HPCAL4: variants seen among roughly 807,000 people sequenced by gnomAD.
HPCAL4 encodes hippocalcin-like protein 4.
Under a neutral mutation model 18.2 loss-of-function variants are expected in HPCAL4, and 16 were observed. The observed-to-expected ratio is 0.88, with a 90% CI of 0.59 to 1.33. The LOEUF is 1.33. HPCAL4 is among the 40% of genes most tolerant of loss of function. The pLI is 0.00. For synonymous variants in HPCAL4, 80 were observed against 97.5 expected, an observed-to-expected ratio of 0.82 and a Z score of 1.06; for missense variants, 214 against 256.6, an observed-to-expected ratio of 0.83 and a Z score of 1.14.
At chr1:39,685,643 G>A (rs1385164674) in intron 1 of HPCAL4, among the ~76,000 whole-genome samples, 1 of 152,164 alleles carries the variant, frequency 6.6e-6, no homozygotes, top group Non-Finnish European at 1.5e-5. Context: ...ACTTTGGGAG[G>A]CCAAGGTGGG....
chr1:39,690,367 C>T (rs1215721523), intron 1 of HPCAL4, among the ~76,000 whole-genome samples: 1 of 152,176 alleles, frequency 6.6e-6, no homozygotes, highest in African/African-American at 2.4e-5. Flanking sequence ...AGCTCATCTG[C>T]CCTCCAGGTA....
At position 39,682,613 on chromosome 1, in the gene HPCAL4, T is replaced by C; in HGVS notation, c.499A>G (p.Thr167Ala). The change falls in exon 4 of 4, where the codon ACA (threonine) becomes GCA (alanine). Residue 167 changes from threonine to alanine, a missense_variant. By Grantham distance (58) the Thr-to-Ala change is moderately conservative (BLOSUM62 0). Transcript: ENST00000372844. ...KMDQDKDDQI[T>A]LEEFKEAAKS... ...GCTGCCTCCTTGAACTCCTCCAATG[T>C]AATCTGGTCGTCCTTATCCTGGTCC... 1 of 1,614,250 alleles carries C rather than the reference T, an allele frequency of 6.2e-7. No individual in the cohort carries two copies. The highest frequency in any genetic ancestry group is 8.5e-7 in the Non-Finnish European group (1 of 1,180,044).
chr1:39,681,603 TC>T lies in HPCAL4; in HGVS notation c.*932del, dbSNP rs1646626984. On this transcript the variant is annotated 3_prime_UTR_variant, in exon 4 of 4. Transcript: ENST00000372844. Reference sequence around the variant, plus strand: ...ATCTGGTAAATTTCATGGTCTTTTCTCCCTTTCTTCTCAGGTTTTTTCCCCT... The same window carrying T: ...ATCTGGTAAATTTCATGGTCTTTTCTCCTTTCTTCTCAGGTTTTTTCCCCT... The T allele has an allele frequency of 6.6e-6, 1 of 152,208 alleles. No individual in the cohort carries two copies. 9.4% of individuals were successfully genotyped at this position (152,208 alleles called of 1,614,324 possible). A position where few individuals can be genotyped will look rare whatever the true frequency, so the allele number is the denominator to read the frequency against.
chr1:39,685,690 T>C lies in HPCAL4; in HGVS notation c.-8-1079A>G, dbSNP rs993902553. On this transcript the variant is annotated intron_variant, in intron 1 of 3. Coordinates refer to ENST00000372844, the MANE Select transcript of HPCAL4 (RefSeq NM_016257.4). ...GTCAGGTGATCAAGACCATCCTGGC[T>C]AACACGGTGAAACCCTGTCTCTACT... is the stretch of plus-strand genomic sequence containing the variant. Among the ~76,000 whole-genome samples, 76 of 152,104 alleles carry C rather than the reference T, an allele frequency of 5.0e-4. 1 individual carries two copies. Among genetic ancestry groups the C allele is most frequent in the Non-Finnish European group, 4.9e-4 (33 of 67,994 alleles).
At chr1:39,684,275 C>CCA in intron 2 of HPCAL4, 123 bp from the exon 3 acceptor site, 8 of 1,070,042 alleles carry the variant, frequency 7.5e-6, no homozygotes, top group African/African-American at 1.6e-5. Flanking sequence ...TTGCCCCCGC[C>CCA]ACCCCGGGTG....
chr1:39,684,051 G>A lies in HPCAL4; in HGVS notation c.264C>T (p.Ala88=). Residue 88 remains alanine (A), a synonymous_variant, in exon 3 of 4, where the codon GCC becomes GCT. Coordinates refer to ENST00000372844, the MANE Select transcript of HPCAL4 (RefSeq NM_016257.4). Reference sequence around the variant, plus strand: ...AGCTGCCGCGGGAGGTGACCGACAGGGCGCAGATGAACTCCCGGAAGTCGA... The same window carrying A: ...AGCTGCCGCGGGAGGTGACCGACAGAGCGCAGATGAACTCCCGGAAGTCGA... ...GTIDFREFIC[A]LSVTSRGSFE... 2.5e-6 allele frequency: 4 copies of A among 1,614,020 alleles called. No homozygotes were observed. The highest frequency in any genetic ancestry group is 3.4e-6 in the Non-Finnish European group (4 of 1,179,920).
In HPCAL4 at chr1:39,680,507, C is replaced by G. The variant is rs1646615698; in HGVS notation, c.*2029G>C. 1 of 152,170 alleles carries G rather than the reference C, an allele frequency of 6.6e-6. No homozygotes were observed. Among genetic ancestry groups the G allele is most frequent in the Non-Finnish European group, 1.5e-5 (1 of 68,014 alleles). 9.4% of individuals were successfully genotyped at this position (152,170 alleles called of 1,614,324 possible). On this transcript the variant is annotated 3_prime_UTR_variant, in exon 4 of 4. Coordinates refer to ENST00000372844, the MANE Select transcript of HPCAL4 (RefSeq NM_016257.4). ...GCTTTTCACCAGAAGATTTAGGTCC[C>G]AGCTAAGCCAGGCTGGTGAGCATCT... is the stretch of plus-strand genomic sequence containing the variant.
intron 1 of HPCAL4, among the ~76,000 whole-genome samples, chr1:39,687,210 T>C (rs926887037): frequency 2.0e-5 from 3 of 152,156 alleles, no homozygotes; most frequent in Admixed American, 6.5e-5. Context: ...GAGCATGCCA[T>C]CTTCAGGAAC....
At chr1:39,683,313 C>G (rs572346351) in intron 3 of HPCAL4, among the ~76,000 whole-genome samples, 9 of 152,326 alleles carry the variant, frequency 5.9e-5, no homozygotes, top group Non-Finnish European at 1.0e-4. Flanking sequence ...CACTCTCTCC[C>G]TCTCATGGCT....
chr1:39,683,876 G>A (rs1646648548), intron 3 of HPCAL4, 61 bp downstream of exon 3: 4 of 1,462,876 alleles, frequency 2.7e-6, no homozygotes, highest in Non-Finnish European at 2.8e-6. Flanking sequence ...CAGCGCGGAG[G>A]CAGGGGCGGG....
intron 1 of HPCAL4, among the ~76,000 whole-genome samples, chr1:39,690,039 G>GGCCT (rs1557756491): frequency 2.0e-5 from 3 of 152,182 alleles, no homozygotes; most frequent in African/African-American, 7.2e-5. Context: ...GTCTAGGAGG[G>GGCCT]ACTCCTAATA....
chr1:39,687,856 T>C (rs1013874944), intron 1 of HPCAL4, among the ~76,000 whole-genome samples: 1 of 151,980 alleles, frequency 6.6e-6, no homozygotes, highest in Admixed American at 6.6e-5. Flanking sequence ...TGAGCCGTGA[T>C]TGAGCCACTG....
Position 39,682,770 on chromosome 1 carries a change from C to T in HPCAL4, c.379-37G>A, listed in dbSNP as rs370713317. ...AGGAGGAGGGAGGTGTGAACACCCA[C>T]AAGGGGCCCCGAGAAGCAGCGGGTG... On this transcript the variant is annotated intron_variant, in intron 3 of 3. Transcript: ENST00000372844. The T allele has an allele frequency of 3.8e-6, 6 of 1,586,014 alleles. No homozygotes were observed. In the African/African-American group the frequency reaches 8.1e-5, roughly 21 times the overall value.
rs770555377 is a variant in HPCAL4, at chr1:39,684,545, G to C, written c.59C>G (p.Thr20Ser). 1.2e-6 allele frequency: 2 copies of C among 1,613,522 alleles called. No homozygotes were observed. Among genetic ancestry groups the C allele is most frequent in the Non-Finnish European group, 1.7e-6 (2 of 1,179,720 alleles). The part of the protein sequence containing the change: ...PEVLEDLVQN[T>S]EFSEQELKQW... The stretch of plus-strand genomic sequence containing the variant: ...CTTCAGCTCCTGCTCGCTGAACTCA[G>C]TGTTCTGAACAAGGTCCTCCAGCAC... Residue 20 changes from threonine (T) to serine (S), a missense_variant, in exon 2 of 4, where the codon ACT becomes AGT. Coordinates refer to ENST00000372844, the MANE Select transcript of HPCAL4 (RefSeq NM_016257.4).
At chr1:39,684,856 A>C (rs1195592026) in intron 1 of HPCAL4, among the ~76,000 whole-genome samples, 3 of 152,094 alleles carry the variant, frequency 2.0e-5, no homozygotes, top group African/African-American at 7.2e-5. Flanking sequence ...AGCACGCCAC[A>C]GTCTTCATCC....
chr1:39,683,177 C>T (rs1023786862), intron 3 of HPCAL4, among the ~76,000 whole-genome samples: 8 of 152,228 alleles, frequency 5.3e-5, no homozygotes, highest in African/African-American at 1.4e-4. Flanking sequence ...AGCCACCACG[C>T]CCAGCCCTCA....
intron 1 of HPCAL4, among the ~76,000 whole-genome samples, chr1:39,690,563 C>A (rs480318): frequency 0.026 from 4,006 of 152,022 alleles, 171 homozygotes; most frequent in African/African-American, 0.089. Flanking sequence ...GAGGTTGGGG[C>A]CTTGGCAGCA....
chr1:39,688,902 C>G (rs990020093), intron 1 of HPCAL4, among the ~76,000 whole-genome samples: 2 of 152,162 alleles, frequency 1.3e-5, no homozygotes, highest in Admixed American at 1.3e-4. Flanking sequence ...AGTCAGCAGC[C>G]CAAGCTCAGC....
intron 1 of HPCAL4, among the ~76,000 whole-genome samples, chr1:39,685,091 C>T (rs912371114): frequency 4.6e-5 from 7 of 152,252 alleles, no homozygotes; most frequent in African/African-American, 1.7e-4. Context: ...GCTTCTCTCC[C>T]TCTTTCCTCT....
Sources: gnomAD v4.1 joint callset for allele counts (sites outside exome capture counted in the v4.1 genomes callset) on GRCh38, gnomAD v4.1.1 for gene constraint, MANE v1.5 for transcripts, NCBI Gene and HGNC (gene_info 2026-07-23, HGNC 2026-07-21) for gene names.